Variants in APBB2 observed in about 807,000 individuals in gnomAD.
APBB2 encodes Fe65-like 1.
Under a neutral mutation model 82.5 loss-of-function variants are expected in APBB2, and 38 were observed. The ratio of observed to expected loss-of-function variants is 0.46; its 90% CI spans 0.36 to 0.60. The LOEUF (loss-of-function observed/expected upper bound fraction) is 0.60, where lower values mean the gene tolerates loss of function less well. Among genes scored for constraint, APBB2 ranks in the 20% least tolerant of loss-of-function variants. The pLI, the probability that APBB2 is intolerant of heterozygous loss-of-function variation, is 0.00. For synonymous variants in APBB2, 341 were observed against 368.2 expected, an observed-to-expected ratio of 0.93 and a Z score of 0.85; for missense variants, 772 against 972.3, an observed-to-expected ratio of 0.79 and a Z score of 2.74.
intron 1 of APBB2, among the ~76,000 whole-genome samples, chr4:41,200,379 T>C (rs552446066): frequency 2.8e-4 from 43 of 152,326 alleles, no homozygotes; most frequent in Non-Finnish European, 4.4e-4. Context: ...TGACCTATTT[T>C]TTTTTTAAAT....
intron 12 of APBB2, chr4:40,881,314 G>C: frequency 1.0e-6 from 1 of 984,968 alleles, no homozygotes; most frequent in Non-Finnish European, 1.2e-6. Context: ...GCAGATCTTG[G>C]AATTCCATCA....
At chr4:40,868,565 T>A (rs2154339087) in intron 12 of APBB2, among the ~76,000 whole-genome samples, 1 of 152,344 alleles carries the variant, frequency 6.6e-6, no homozygotes, top group East Asian at 1.9e-4. Flanking sequence ...CAACTCAGTC[T>A]ACTTTGATGG....
Position 40,816,050 on chromosome 4 carries a change from G to A in APBB2, c.*42C>T. ...GAGTTCATTTTCTTTAGTGTAGCTA[G>A]TCAATCTTCAGGTAAATAGCCGAGT... On this transcript the variant is annotated 3_prime_UTR_variant, in exon 18 of 18. Transcript: ENST00000508593. 6.3e-7 allele frequency: 1 copy of A among 1,597,112 alleles called. No individual in the cohort carries two copies. Among genetic ancestry groups the A allele is most frequent in the Non-Finnish European group, 8.6e-7 (1 of 1,166,950 alleles).
intron 10 of APBB2, among the ~76,000 whole-genome samples, chr4:40,919,606 G>A (rs1458631986): frequency 6.6e-6 from 1 of 152,174 alleles, no homozygotes; most frequent in Non-Finnish European, 1.5e-5. Context: ...ACTTGGGACT[G>A]GGCTAAGCCC....
intron 6 of APBB2, among the ~76,000 whole-genome samples, chr4:40,968,098 G>T (rs1185769930): frequency 6.6e-6 from 1 of 152,200 alleles, no homozygotes. Flanking sequence ...AGGCACTGTT[G>T]TTCTAAGCAC....
intron 10 of APBB2, among the ~76,000 whole-genome samples, chr4:40,914,181 T>C (rs1371877446): frequency 6.6e-5 from 10 of 151,886 alleles, no homozygotes; most frequent in South Asian, 2.1e-4. Context: ...CCATCCTGGC[T>C]AACACGGTGA....
chr4:41,062,037 C>T (rs1269946836), intron 4 of APBB2, among the ~76,000 whole-genome samples: 5 of 152,174 alleles, frequency 3.3e-5, no homozygotes, highest in Admixed American at 2.0e-4. Flanking sequence ...GGTGAGCAGG[C>T]CCCAGGTCAA....
At chr4:40,883,710 C>A (rs1769371071) in intron 12 of APBB2, among the ~76,000 whole-genome samples, 1 of 126,946 alleles carries the variant, frequency 7.9e-6, no homozygotes, top group African/African-American at 2.9e-5. Context: ...TAGAGACTGC[C>A]AAAAAAAAAA....
chr4:41,176,463 C>T (rs904536753), intron 1 of APBB2, among the ~76,000 whole-genome samples: 12 of 151,812 alleles, frequency 7.9e-5, no homozygotes, highest in South Asian at 2.1e-4. Context: ...CCAGCTTCTT[C>T]CCCCTCCCAA....
intron 6 of APBB2, among the ~76,000 whole-genome samples, chr4:40,979,201 C>A (rs1459653226): frequency 1.3e-5 from 2 of 152,310 alleles, no homozygotes; most frequent in African/African-American, 2.4e-5. Context: ...AGAATCTGTA[C>A]AATTAATTTG....
chr4:40,821,258 G>C (rs982208965), intron 17 of APBB2, among the ~76,000 whole-genome samples: 1 of 152,210 alleles, frequency 6.6e-6, no homozygotes, highest in African/African-American at 2.4e-5. Flanking sequence ...ATTCTTGTTT[G>C]TTTCCAAGTA....
chr4:40,835,274 TAA>T lies in APBB2; in HGVS notation c.1530-4699_1530-4698del, dbSNP rs55645125. On this transcript the variant is annotated intron_variant, in intron 12 of 17. Transcript: ENST00000508593. ...CTGGGTGAGAGAGCAAGATTCCGTCTAAAAAAAAAAAAAAAAAAATTCAATTC... is the reference window on the plus strand; with the variant it reads ...CTGGGTGAGAGAGCAAGATTCCGTCTAAAAAAAAAAAAAAAAATTCAATTC... Among the ~76,000 whole-genome samples the T allele has an allele frequency of 1.0e-2, 1,307 of 130,916 alleles. 9 individuals carry two copies. Among genetic ancestry groups the T allele is most frequent in the African/African-American group, 0.021 (738 of 35,682 alleles). The allele number at this position is 130,916 out of a possible 152,430, so 85.9% of individuals were successfully genotyped here.
intron 4 of APBB2, among the ~76,000 whole-genome samples, chr4:41,055,559 C>T (rs1011335903): frequency 6.6e-6 from 1 of 152,162 alleles, no homozygotes; most frequent in African/African-American, 2.4e-5. Flanking sequence ...ATCTCTAGGA[C>T]CCGCTCCACT....
chr4:40,880,439 G>A, intron 12 of APBB2: 3 of 985,392 alleles, frequency 3.0e-6, no homozygotes, highest in Non-Finnish European at 2.4e-6. Flanking sequence ...ACCTTCCTTT[G>A]CAACAAGAGG....
intron 1 of APBB2, among the ~76,000 whole-genome samples, chr4:41,147,506 T>A (rs1000645803): frequency 4.8e-4 from 69 of 144,994 alleles, no homozygotes; most frequent in African/African-American, 1.7e-3. Context: ...TTTTTTTTTT[T>A]AAATGAGGAG....
rs868745345 is a variant in APBB2 at position 40,922,478 on chromosome 4, G to A, written c.1254+11978C>T. 2.0e-5 allele frequency among the ~76,000 whole-genome samples: 3 copies of A among 151,978 alleles called. No individual in the cohort carries two copies. The South Asian group carries it at 6.2e-4, about 31-fold the overall frequency. ...ATTTTCTTATAAGCACGAGTCAGAA[G>A]CAGAGGGAGAACTCAGACCTTGATC... On this transcript the variant is annotated intron_variant, in intron 10 of 17. Coordinates refer to ENST00000508593, the MANE Select transcript of APBB2 (RefSeq NM_004307.2).
rs946876270 is a variant in APBB2 at position 40,832,606 on chromosome 4, C to A, written c.1530-2029G>T. 2.6e-5 allele frequency among the ~76,000 whole-genome samples: 4 copies of A among 152,204 alleles called. No homozygotes were observed. Among genetic ancestry groups the A allele is most frequent in the Admixed American group, 2.0e-4 (3 of 15,284 alleles). ...CCCTCCATTTCCAGCCCCCTCACCA[C>A]GCAGCCATTCTAAGCTGCTCTTCGC... On this transcript the variant is annotated intron_variant, in intron 12 of 17. Transcript: ENST00000508593. This position sits in a 1 kb window ranked among gnomAD's most constrained non-coding sequence, Gnocchi z 4.8.
At chr4:41,207,836 C>T (rs1778342775) in intron 1 of APBB2, 1 of 152,128 alleles carries the variant, frequency 6.6e-6, no homozygotes, top group African/African-American at 2.4e-5. Context: ...CCCAGACTTA[C>T]CAATTTCATG....
chr4:40,818,903 T>C (rs1310706914), intron 17 of APBB2, among the ~76,000 whole-genome samples: 1 of 152,190 alleles, frequency 6.6e-6, no homozygotes, highest in Non-Finnish European at 1.5e-5. Context: ...TTATTAGACA[T>C]AGGGCCTTTC....
Sources: allele counts gnomAD v4.1 joint callset (sites outside exome capture counted in the v4.1 genomes callset), GRCh38; gene constraint gnomAD v4.1.1; non-coding constraint Gnocchi (gnomAD v3.1); transcripts MANE v1.5; gene names NCBI Gene and HGNC (gene_info 2026-07-23, HGNC 2026-07-21).